The following NLGN4Y variants were observed in gnomAD, a reference collection of about 807,000 sequenced individuals.
NLGN4Y encodes neuroligin 4 Y-linked.
Under a neutral mutation model 8.4 loss-of-function variants are expected in NLGN4Y, and 4 were observed. That is an observed-to-expected ratio of 0.48 (90% CI 0.23 to 1.09). The LOEUF is 1.09. NLGN4Y is among the 50% of genes least tolerant of loss of function. The pLI is 0.19. For missense variants in NLGN4Y, 90 were observed against 192.3 expected, an observed-to-expected ratio of 0.47 and a Z score of 3.15; for synonymous variants, 35 against 75.6, an observed-to-expected ratio of 0.46 and a Z score of 2.78.
chrY:14,704,334 A>G (rs1603502979), intron 2 of NLGN4Y, among the ~76,000 whole-genome samples: 1 of 33,373 alleles, frequency 3.0e-5, no homozygotes, highest in Non-Finnish European at 7.4e-5. Context: ...TATACATCCC[A>G]TCAATACCTG....
intron 1 of NLGN4Y, among the ~76,000 whole-genome samples, chrY:14,595,518 T>G: frequency 3.1e-5 from 1 of 32,670 alleles, no homozygotes; most frequent in Non-Finnish European, 7.5e-5. Flanking sequence ...GTATTGTAAT[T>G]TGTACTTCCC....
At chrY:14,768,997 CGTGGGAATTTCTCACAAGCTATT>C (rs2081099851) in intron 4 of NLGN4Y, among the ~76,000 whole-genome samples, 2 of 33,393 alleles carry the variant, frequency 6.0e-5, no homozygotes, top group Non-Finnish European at 1.5e-4. Flanking sequence ...ACCCTGAATA[CGTGGGAATTTCTCACAAGCTATT>C]ATTTAACTGC....
At chrY:14,666,811 C>T in intron 2 of NLGN4Y, among the ~76,000 whole-genome samples, 1 of 32,667 alleles carries the variant, frequency 3.1e-5, no homozygotes, top group African/African-American at 1.2e-4. Flanking sequence ...CTTATTAAAC[C>T]AGGTGTTTCA....
intron 2 of NLGN4Y, among the ~76,000 whole-genome samples, chrY:14,702,322 C>T: frequency 6.3e-5 from 2 of 31,605 alleles, no homozygotes; most frequent in Admixed American, 3.0e-4. Flanking sequence ...CTACCCCCAC[C>T]CCACAACAGG....
chrY:14,817,189 A>T (rs911713535), intron 4 of NLGN4Y, among the ~76,000 whole-genome samples: 17 of 33,183 alleles, frequency 5.1e-4, no homozygotes, highest in African/African-American at 1.9e-3. Context: ...TATAAAAATA[A>T]TTTTTTTCAT....
chrY:14,748,888 A>G (rs2081031675), intron 4 of NLGN4Y, among the ~76,000 whole-genome samples: 79 of 10,798 alleles, frequency 7.3e-3, no homozygotes, highest in African/African-American at 0.042. Context: ...AAAAAAAAAA[A>G]AAAAAGAAAA....
At chrY:14,664,004 A>G (rs757216550) in intron 2 of NLGN4Y, among the ~76,000 whole-genome samples, 1 of 32,167 alleles carries the variant, frequency 3.1e-5, no homozygotes, top group Non-Finnish European at 7.5e-5. Context: ...GATGATATTC[A>G]TGTTGATGAC....
intron 1 of NLGN4Y, among the ~76,000 whole-genome samples, chrY:14,580,461 A>T: frequency 6.3e-5 from 2 of 31,651 alleles, no homozygotes; most frequent in South Asian, 7.1e-4. Context: ...GGAGAAACAA[A>T]TTTTTTTTCC....
upstream of NLGN4Y, among the ~76,000 whole-genome samples, chrY:14,523,244 C>T: frequency 1.2e-4 from 4 of 32,325 alleles, no homozygotes; most frequent in Non-Finnish European, 3.0e-4. Flanking sequence ...TTTATTTTCA[C>T]TTAAAAATAA....
chrY:14,554,456 C>G, intron 1 of NLGN4Y, among the ~76,000 whole-genome samples: 1 of 31,750 alleles, frequency 3.1e-5, no homozygotes, highest in Non-Finnish European at 7.6e-5. Context: ...AGTAGTCCTC[C>G]TGCTTCAACC....
intron 2 of NLGN4Y, among the ~76,000 whole-genome samples, chrY:14,699,055 C>G: frequency 6.1e-5 from 2 of 32,911 alleles, no homozygotes; most frequent in Admixed American, 2.8e-4. Context: ...CTTTCCTTCC[C>G]AGCCCCTAAT....
intron 6 of NLGN4Y, 31 bp from the exon 7 acceptor site, chrY:14,840,382 A>T: frequency 5.1e-6 from 2 of 394,796 alleles, no homozygotes; most frequent in Non-Finnish European, 7.1e-6. Context: ...GAAGAATATG[A>T]CCTTTCTTTT....
At chrY:14,827,141 A>AG (rs2043150671) in intron 5 of NLGN4Y, among the ~76,000 whole-genome samples, 1 of 33,619 alleles carries the variant, frequency 3.0e-5, no homozygotes, top group Admixed American at 2.7e-4. Context: ...ACCTCAAACT[A>AG]GTGCTAATAA....
intron 1 of NLGN4Y, among the ~76,000 whole-genome samples, chrY:14,554,928 T>G (rs564069959): frequency 3.0e-5 from 1 of 33,228 alleles, no homozygotes; most frequent in Middle Eastern, 0.013. Context: ...GTTTAGGGTG[T>G]GAAAAGTCAA....
chrY:14,762,588 G>C (rs2081083755), intron 4 of NLGN4Y, among the ~76,000 whole-genome samples: 1 of 34,234 alleles, frequency 2.9e-5, no homozygotes, highest in Non-Finnish European at 7.3e-5. Context: ...AGGTCGAGGG[G>C]CATGAAGAGC....
intron 2 of NLGN4Y, among the ~76,000 whole-genome samples, chrY:14,693,704 G>A: frequency 3.1e-5 from 1 of 32,441 alleles, no homozygotes; most frequent in African/African-American, 1.2e-4. Flanking sequence ...CTGGGGTTAT[G>A]GGTGTGATCG....
At chrY:14,525,631 T>C in intron 1 of NLGN4Y, among the ~76,000 whole-genome samples, 1 of 33,325 alleles carries the variant, frequency 3.0e-5, no homozygotes, top group South Asian at 6.9e-4. Context: ...GTATGGCTTA[T>C]ATTATTTTTA....
intron 4 of NLGN4Y, among the ~76,000 whole-genome samples, chrY:14,800,174 GA>G (rs2043025527): frequency 2.7e-4 from 9 of 33,124 alleles, no homozygotes; most frequent in African/African-American, 1.1e-3. Flanking sequence ...GGTGATAGTT[GA>G]ACCAGAAGTT....
chrY:14,624,588 G>A (rs763432901), intron 2 of NLGN4Y, among the ~76,000 whole-genome samples: 4 of 33,422 alleles, frequency 1.2e-4, no homozygotes, highest in East Asian at 7.8e-4. Context: ...TGACTGAAAA[G>A]GTAGAATAAA....
Sources: gnomAD v4.1 joint callset for allele counts (sites outside exome capture counted in the v4.1 genomes callset) on GRCh38, gnomAD v4.1.1 for gene constraint, MANE v1.5 for transcripts, NCBI Gene and HGNC (gene_info 2026-07-23, HGNC 2026-07-21) for gene names.